The following UNC79 variants were observed in gnomAD, a reference collection of about 807,000 sequenced individuals.
The protein encoded by UNC79 is unc-79 subunit of NALCN channel complex.
In UNC79, 37 loss-of-function variants were observed where a neutral mutation model predicts 283.1. The ratio of observed to expected loss-of-function variants is 0.13; its 90% confidence interval spans 0.10 to 0.17. The LOEUF is 0.17. Among genes scored for constraint, UNC79 ranks in the 10% least tolerant of loss-of-function variants. The pLI is 1.00. For missense variants in UNC79, 2,272 were observed against 3,211.1 expected, an observed-to-expected ratio of 0.71 and a Z score of 7.07; for synonymous variants, 1,107 against 1,200.2, an observed-to-expected ratio of 0.92 and a Z score of 1.61.
chr14:93,642,373 C>T (rs575196807), intron 33 of UNC79, among the ~76,000 whole-genome samples: 1,448 of 142,174 alleles, frequency 0.01, 12 homozygotes, highest in South Asian at 0.042. Flanking sequence ...TGCAGTGAGC[C>T]GAGATTGTGC....
At chr14:93,551,611 T>C (rs757216266) in intron 14 of UNC79, among the ~76,000 whole-genome samples, 1 of 152,200 alleles carries the variant, frequency 6.6e-6, no homozygotes, top group Non-Finnish European at 1.5e-5. Flanking sequence ...TGGAATTGTT[T>C]AAGTAAGAGG....
At chr14:93,357,348 G>C (rs1216671038) in intron 1 of UNC79, among the ~76,000 whole-genome samples, 1 of 152,070 alleles carries the variant, frequency 6.6e-6, no homozygotes, top group Non-Finnish European at 1.5e-5. Context: ...TATTGGTCCT[G>C]GGTGTGTCTG....
chr14:93,586,522 T>C, intron 20 of UNC79, 74 bp from the exon 21 acceptor site: 1 of 1,373,282 alleles, frequency 7.3e-7, no homozygotes, highest in Non-Finnish European at 1.0e-6. Flanking sequence ...TTGGTTTTTA[T>C]GATCTTGATA....
intron 24 of UNC79, among the ~76,000 whole-genome samples, chr14:93,597,840 T>A (rs1208378174): frequency 6.6e-6 from 1 of 152,138 alleles, no homozygotes; most frequent in Non-Finnish European, 1.5e-5. Flanking sequence ...AATACTATCA[T>A]ATTGGTGATT....
intron 48 of UNC79, among the ~76,000 whole-genome samples, chr14:93,705,347 CAAAAAAAAAAAAAAA>C: frequency 1.1e-5 from 1 of 87,526 alleles, no homozygotes; most frequent in African/African-American, 4.7e-5. Context: ...CCCAGTCTCT[CAAAAAAAAAAAAAAA>C]AAAAAAAAAA....
At chr14:93,499,717 C>T (rs2059189665) in intron 7 of UNC79, among the ~76,000 whole-genome samples, 1 of 152,044 alleles carries the variant, frequency 6.6e-6, no homozygotes, top group African/African-American at 2.4e-5. Flanking sequence ...TAAAGTAGAA[C>T]AAATACAGAG....
chr14:93,359,695 T>G (rs1000167567), intron 1 of UNC79, among the ~76,000 whole-genome samples: 2 of 152,054 alleles, frequency 1.3e-5, no homozygotes, highest in Admixed American at 1.3e-4. Context: ...GCAGAAAACT[T>G]CCAGGTCAAA....
At chr14:93,498,548 GC>G (rs1401750114) in intron 7 of UNC79, among the ~76,000 whole-genome samples, 14 of 152,116 alleles carry the variant, frequency 9.2e-5, no homozygotes, top group African/African-American at 2.9e-4. Context: ...CCGAGATCAA[GC>G]CACTGCATTC....
At chr14:93,424,976 T>A (rs961046605) in intron 1 of UNC79, among the ~76,000 whole-genome samples, 1 of 152,194 alleles carries the variant, frequency 6.6e-6, no homozygotes, top group African/African-American at 2.4e-5. Context: ...CATCCATAAA[T>A]ATATACACTT....
exon 47 of UNC79, chr14:93,694,377 G>A (rs757226265): frequency 6.2e-7 from 1 of 1,611,154 alleles, no homozygotes; most frequent in Admixed American, 1.7e-5. Context: ...TTTAATGGAG[G>A]CATTGCAGGA....
At chr14:93,355,139 C>G (rs1387671071) in intron 1 of UNC79, among the ~76,000 whole-genome samples, 1 of 151,896 alleles carries the variant, frequency 6.6e-6, no homozygotes, top group Non-Finnish European at 1.5e-5. Context: ...AAGCAATTCT[C>G]CTGCCTCAGC....
At chr14:93,451,516 G>A (rs1436965780) in intron 1 of UNC79, among the ~76,000 whole-genome samples, 1 of 152,186 alleles carries the variant, frequency 6.6e-6, no homozygotes, top group Non-Finnish European at 1.5e-5. Flanking sequence ...GATTATCCTG[G>A]CTTTCCATTC....
In UNC79 at chr14:93,688,768, A is replaced by G. The variant is rs775816944; in HGVS notation, c.7013A>G (p.Asn2338Ser). 4 of 1,614,090 alleles carry G rather than the reference A, an allele frequency of 2.5e-6. No homozygotes were observed. In the South Asian group the frequency reaches 3.3e-5, roughly 13 times the overall value. Residue 2338 changes from asparagine to serine, a missense_variant, in exon 44 of 49, where the codon AAC becomes AGC. Coordinates refer to ENST00000555664, the Ensembl canonical transcript of UNC79. This position sits in a 1 kb window ranked among gnomAD's most constrained non-coding sequence, Gnocchi z 4.0. ...GCAGCCATGGACATCTCACGGGGCA[A>G]CCACAGAGATAACAAAGCTGTGATC... is the stretch of plus-strand genomic sequence containing the variant.
At chr14:93,685,589 G>A (rs1309807626) in intron 42 of UNC79, among the ~76,000 whole-genome samples, 1 of 152,126 alleles carries the variant, frequency 6.6e-6, no homozygotes. Flanking sequence ...TCAGTACCGC[G>A]CAGATTTACA....
chr14:93,481,207 C>T (rs2058121102), intron 4 of UNC79, among the ~76,000 whole-genome samples: 2 of 152,138 alleles, frequency 1.3e-5, no homozygotes, highest in African/African-American at 2.4e-5. Flanking sequence ...TTCTTTTTAA[C>T]TCCTTCCATA....
At chr14:93,540,706 C>T (rs74981058) in exon 13 of UNC79, 1 of 1,613,822 alleles carries the variant, frequency 6.2e-7, no homozygotes, top group South Asian at 1.1e-5. Context: ...AGAACATGAG[C>T]TGAACCGGCG....
intron 30 of UNC79, among the ~76,000 whole-genome samples, chr14:93,626,036 A>C (rs1030054080): frequency 1.3e-5 from 2 of 152,212 alleles, no homozygotes; most frequent in Non-Finnish European, 2.9e-5. Flanking sequence ...TACATGCACA[A>C]AATAAAATTT....
exon 20 of UNC79, chr14:93,582,216 G>T: frequency 6.2e-7 from 1 of 1,614,144 alleles, no homozygotes; most frequent in Non-Finnish European, 8.5e-7. Context: ...CCCACAGACA[G>T]CCTGGAGGAT....
At chr14:93,672,963 G>A (rs1052366904) in intron 40 of UNC79, among the ~76,000 whole-genome samples, 3 of 152,106 alleles carry the variant, frequency 2.0e-5, no homozygotes, top group African/African-American at 4.8e-5. Flanking sequence ...TAAGTTCCTT[G>A]GAGAGGTCAC....
Sources: allele counts gnomAD v4.1 joint callset (sites outside exome capture counted in the v4.1 genomes callset), GRCh38; gene constraint gnomAD v4.1.1; non-coding constraint Gnocchi (gnomAD v3.1); transcripts MANE v1.5; gene names NCBI Gene and HGNC (gene_info 2026-07-23, HGNC 2026-07-21).